The following PSG2 variants were observed in gnomAD, a reference collection of about 807,000 sequenced individuals.
The protein encoded by PSG2 is pregnancy-specific beta-1-glycoprotein 2.
Under a neutral mutation model 36.2 loss-of-function variants are expected in PSG2, and 49 were observed. The observed-to-expected ratio is 1.35, with a 90% CI of 1.08 to 1.72. The LOEUF (loss-of-function observed/expected upper bound fraction) is 1.72. Among genes scored for constraint, PSG2 ranks in the 40% most tolerant of loss-of-function variants. The pLI is 0.00. For synonymous variants in PSG2, 261 were observed against 155.6 expected, an observed-to-expected ratio of 1.68 and a Z score of -5.04; for missense variants, 605 against 407.2, an observed-to-expected ratio of 1.49 and a Z score of -4.18.
intron 2 of PSG2, among the ~76,000 whole-genome samples, chr19:43,077,025 A>G (rs1453020063): frequency 6.6e-6 from 1 of 151,646 alleles, no homozygotes; most frequent in Non-Finnish European, 1.5e-5. Flanking sequence ...TTTCCCATAA[A>G]AAGTTGTCAG....
At chr19:43,067,450 A>T (rs1461313549) in intron 4 of PSG2, among the ~76,000 whole-genome samples, 1 of 147,462 alleles carries the variant, frequency 6.8e-6, no homozygotes, top group Non-Finnish European at 1.5e-5. Context: ...CTCTTTTTCC[A>T]TATATATATA....
In PSG2 at chr19:43,080,743, G is replaced by T; in HGVS notation, c.430+138C>A. On this transcript the variant is annotated intron_variant, in intron 2 of 5. Coordinates refer to ENST00000406487, the MANE Select transcript of PSG2 (RefSeq NM_031246.4). ...AATGTGTCTCCTCTGTGTGTGTCCT[G>T]CACTAAATGCCCAAACCCCAGCATG... 1.3e-6 allele frequency: 2 copies of T among 1,539,092 alleles called. 1 individual carries two copies. Among genetic ancestry groups the T allele is most frequent in the African/African-American group, 2.8e-5 (2 of 72,658 alleles).
chr19:43,074,406 T>C (rs1454282046), intron 3 of PSG2, among the ~76,000 whole-genome samples: 1 of 151,778 alleles, frequency 6.6e-6, no homozygotes, highest in Non-Finnish European at 1.5e-5. Flanking sequence ...GTATAATCAT[T>C]TGACCTTTTT....
At chr19:43,073,663 G>T (rs572557763) in intron 3 of PSG2, among the ~76,000 whole-genome samples, 165 of 151,792 alleles carry the variant, frequency 1.1e-3, no homozygotes, top group South Asian at 1.9e-3. Context: ...ACTGCTGGTT[G>T]CCAGGAGCTG....
intron 4 of PSG2, among the ~76,000 whole-genome samples, chr19:43,069,072 A>G (rs1413543932): frequency 6.6e-6 from 1 of 151,766 alleles, no homozygotes; most frequent in African/African-American, 2.4e-5. Context: ...CTAACCATGA[A>G]CAGTCTGAAG....
At chr19:43,069,157 G>A (rs1218701991) in intron 4 of PSG2, among the ~76,000 whole-genome samples, 2 of 151,564 alleles carry the variant, frequency 1.3e-5, no homozygotes, top group East Asian at 3.9e-4. Context: ...TTTAACCAAA[G>A]AGGTGAAATG....
At chr19:43,066,926 T>C (rs1298386575) in intron 4 of PSG2, among the ~76,000 whole-genome samples, 3 of 151,486 alleles carry the variant, frequency 2.0e-5, no homozygotes, top group Non-Finnish European at 4.4e-5. Context: ...TGCATCTTTT[T>C]CTCGGTGTTT....
rs1299247914 is a variant in PSG2 at position 43,075,349 on chromosome 19, C to T, written c.709+5G>A. On this transcript the variant is annotated splice_donor_5th_base_variant and intron_variant, in intron 3 of 5. Coordinates refer to ENST00000406487, the MANE Select transcript of PSG2 (RefSeq NM_031246.4). The stretch of plus-strand genomic sequence containing the variant: ...CTGGCCCACAGAGGAACAGAAGATA[C>T]TCACGGAGGAGATTCAGGGTGACTG... The T allele has an allele frequency of 2.5e-6, 4 of 1,613,014 alleles. No homozygotes were observed. The highest frequency in any genetic ancestry group is 2.2e-5 in the East Asian group (1 of 44,878).
chr19:43,074,243 G>A (rs1967860072), intron 3 of PSG2, among the ~76,000 whole-genome samples: 1 of 151,552 alleles, frequency 6.6e-6, no homozygotes. Flanking sequence ...ATGTTACTGT[G>A]ATTCTGGGAG....
intron 5 of PSG2, among the ~76,000 whole-genome samples, chr19:43,065,232 T>C (rs555144507): frequency 1.3e-5 from 2 of 151,754 alleles, no homozygotes; most frequent in South Asian, 4.2e-4. Context: ...AAATTTAATA[T>C]ATAAAATAAG....
intron 2 of PSG2, among the ~76,000 whole-genome samples, chr19:43,080,392 T>C (rs1280975623): frequency 1.3e-5 from 2 of 151,644 alleles, no homozygotes; most frequent in Non-Finnish European, 2.9e-5. Flanking sequence ...AGCTGGTAAA[T>C]CCTTGGTCCC....
In PSG2 at chr19:43,075,430, A is replaced by G. The variant is rs1967879778; in HGVS notation, c.633T>C (p.Thr211=). 3 of 1,613,102 alleles carry G rather than the reference A, an allele frequency of 1.9e-6. No individual in the cohort carries two copies. The highest frequency in any genetic ancestry group is 2.2e-5 in the South Asian group (2 of 91,058). The change falls in exon 3 of 6, where the codon ACT becomes ACC. Residue 211 remains threonine (T), a synonymous_variant. Coordinates refer to ENST00000406487, the MANE Select transcript of PSG2 (RefSeq NM_031246.4). The stretch of plus-strand genomic sequence containing the variant: ...GTATTTCACATTCATAGGGTCCTGC[A>G]GTATACTTTGTGACACCAAATAGAA... ...TLFLFGVTKY[T]AGPYECEIRN... is the part of the protein sequence containing the mutation.
chr19:43,069,687 G>A (rs1196586726), intron 4 of PSG2, among the ~76,000 whole-genome samples: 1 of 151,550 alleles, frequency 6.6e-6, no homozygotes, highest in Non-Finnish European at 1.5e-5. Flanking sequence ...ATAACACCAT[G>A]TACAAAAATC....
At chr19:43,075,940 G>C (rs1032162772) in intron 2 of PSG2, among the ~76,000 whole-genome samples, 11 of 151,550 alleles carry the variant, frequency 7.3e-5, no homozygotes, top group South Asian at 2.1e-4. Flanking sequence ...CCATCTCGAA[G>C]TGCCTGCCTG....
At chr19:43,071,288 A>C (rs1211119859) in intron 4 of PSG2, among the ~76,000 whole-genome samples, 3 of 151,560 alleles carry the variant, frequency 2.0e-5, no homozygotes, top group Admixed American at 6.6e-5. Flanking sequence ...TTTGGGGGAA[A>C]AGTGTGAGCT....
At chr19:43,068,449 T>C (rs1413595620) in intron 4 of PSG2, among the ~76,000 whole-genome samples, 2 of 136,864 alleles carry the variant, frequency 1.5e-5, no homozygotes, top group African/African-American at 6.3e-5. Context: ...GTCTCTCTCT[T>C]TTCAACAAAA....
chr19:43,064,790 TATTTG>T, intron 5 of PSG2, among the ~76,000 whole-genome samples, 189 bp from the exon 6 acceptor site: 1 of 151,820 alleles, frequency 6.6e-6, no homozygotes, highest in Non-Finnish European at 1.5e-5. Flanking sequence ...TATGATAACA[TATTTG>T]ATTTTCAGAA....
chr19:43,073,415 A>T (rs4381700), intron 3 of PSG2, among the ~76,000 whole-genome samples: 44,803 of 151,352 alleles, frequency 0.3, 8,718 homozygotes, highest in African/African-American at 0.53. Context: ...GACCATGTGG[A>T]TCTTTCCAGA....
chr19:43,064,600 TC>T lies in PSG2; in HGVS notation c.*41del. 1 of 657,332 alleles carries T rather than the reference TC, an allele frequency of 1.5e-6. No homozygotes were observed. 40.7% of individuals were successfully genotyped at this position (657,332 alleles called of 1,614,324 possible). ...CTTGTAAGAGACCTTTCCATAAATC[TC>T]CTTGAAGAAAAAGCAATTTTGGACT... On this transcript the variant is annotated splice_region_variant and 3_prime_UTR_variant, in exon 6 of 6. Coordinates refer to ENST00000406487, the MANE Select transcript of PSG2 (RefSeq NM_031246.4).
Sources: allele counts gnomAD v4.1 joint callset (sites outside exome capture counted in the v4.1 genomes callset), GRCh38; gene constraint gnomAD v4.1.1; transcripts MANE v1.5; gene names NCBI Gene and HGNC (gene_info 2026-07-23, HGNC 2026-07-21).